ZC2HC1B: variants seen among roughly 807,000 people sequenced by gnomAD.
ZC2HC1B encodes zinc finger C2HC domain-containing protein 1B.
In ZC2HC1B, 36 loss-of-function variants were observed where a neutral mutation model predicts 31.0. That is an observed-to-expected ratio of 1.16 (90% CI 0.89 to 1.54). The LOEUF (loss-of-function observed/expected upper bound fraction) is 1.54. Among genes scored for constraint, ZC2HC1B ranks in the 40% most tolerant of loss-of-function variants. The pLI, the probability that ZC2HC1B is intolerant of heterozygous loss-of-function variation, is 0.00. For missense variants in ZC2HC1B, 260 were observed against 268.6 expected (o/e 0.97, Z 0.22); for synonymous variants, 73 against 88.0 (o/e 0.83, Z 0.95).
chr6:143,876,675 A>G (rs1193557112), intron 1 of ZC2HC1B, among the ~76,000 whole-genome samples: 4 of 150,514 alleles, frequency 2.7e-5, no homozygotes, highest in African/African-American at 9.8e-5. Flanking sequence ...AACTCACATG[A>G]TCACAAGGTC....
chr6:143,867,283 C>A (rs1777276302), intron 1 of ZC2HC1B, among the ~76,000 whole-genome samples: 1 of 152,196 alleles, frequency 6.6e-6, no homozygotes, highest in Non-Finnish European at 1.5e-5. Context: ...AACACAACAT[C>A]TTGTTTCATT....
At chr6:143,901,019 A>T (rs1267846791) in intron 5 of ZC2HC1B, among the ~76,000 whole-genome samples, 1 of 151,712 alleles carries the variant, frequency 6.6e-6, no homozygotes, top group African/African-American at 2.4e-5. Flanking sequence ...TTGTATGTTC[A>T]GAAGAGATGG....
intron 4 of ZC2HC1B, among the ~76,000 whole-genome samples, chr6:143,889,964 T>A (rs1777577622): frequency 6.6e-6 from 1 of 152,192 alleles, no homozygotes; most frequent in African/African-American, 2.4e-5. Context: ...ATATGTTCTC[T>A]GATCAGAATA....
At chr6:143,900,951 G>T (rs1777730510) in intron 5 of ZC2HC1B, among the ~76,000 whole-genome samples, 2 of 151,880 alleles carry the variant, frequency 1.3e-5, no homozygotes, top group African/African-American at 4.8e-5. Context: ...CGATTCTCCG[G>T]CCTCAGCCTC....
intron 4 of ZC2HC1B, among the ~76,000 whole-genome samples, chr6:143,889,033 A>G (rs943472063): frequency 6.6e-6 from 1 of 152,084 alleles, no homozygotes; most frequent in Non-Finnish European, 1.5e-5. Flanking sequence ...ATAATAGCAT[A>G]TAATGGGTAT....
chr6:143,898,529 T>C (rs748308377), intron 4 of ZC2HC1B, 23 bp from the exon 5 acceptor site: 2 of 1,550,268 alleles, frequency 1.3e-6, no homozygotes, highest in South Asian at 2.4e-5. Context: ...CTAATTGCCA[T>C]TTGTTGTTAT....
chr6:143,898,248 C>A (rs1289653886), intron 4 of ZC2HC1B, among the ~76,000 whole-genome samples: 5 of 152,032 alleles, frequency 3.3e-5, no homozygotes, highest in Admixed American at 3.3e-4. Context: ...GTGGCATGAT[C>A]ACAGCTGACT....
In ZC2HC1B at chr6:143,886,081, C is replaced by G. The variant is rs1212251141; in HGVS notation, c.140C>G (p.Pro47Arg). The change falls in exon 3 of 8, where the codon CCT becomes CGT. Residue 47 changes from proline to arginine, a missense_variant. Pro to Arg is a moderately radical substitution (Grantham distance 103). Transcript: ENST00000237275. This position sits in a 1 kb window ranked among gnomAD's most constrained non-coding sequence, Gnocchi z 4.2. ...AAACTCTTCAACAGAAAGCGTAAAC[C>G]TTTCAGTTCTTTGAAGCAAAGATTA... ...CKKLFNRKRK[P>R]FSSLKQRLQG... 6.5e-7 allele frequency: 1 copy of G among 1,548,824 alleles called. No individual in the cohort carries two copies. The highest frequency in any genetic ancestry group is 8.7e-7 in the Non-Finnish European group (1 of 1,146,120).
Position 143,901,250 on chromosome 6 carries a change from C to CTTTTT in ZC2HC1B, c.490-1771_490-1767dup, listed in dbSNP as rs760366226. Among the ~76,000 whole-genome samples, 18 of 90,494 alleles carry CTTTTT rather than the reference C, an allele frequency of 2.0e-4. 1 individual carries two copies. The highest frequency in any genetic ancestry group is 3.7e-4 in the African/African-American group (7 of 18,830). The allele number at this position is 90,494 out of a possible 152,430, so 59.4% of individuals were successfully genotyped here. On this transcript the variant is annotated intron_variant, in intron 5 of 7. Transcript: ENST00000237275. ...AATTTCTTTCTTTCTTTCTTTCTTCCTTTTTTTTTTTTTTTTTTTTTTTTT... is the reference window on the plus strand; with the variant it reads ...AATTTCTTTCTTTCTTTCTTTCTTCCTTTTTTTTTTTTTTTTTTTTTTTTTTTTTT...
intron 1 of ZC2HC1B, among the ~76,000 whole-genome samples, chr6:143,878,513 A>T (rs997111321): frequency 6.6e-6 from 1 of 150,474 alleles, no homozygotes; most frequent in Admixed American, 6.6e-5. Context: ...TGCCTAGAAC[A>T]TTGCTGAAGT....
Position 143,908,867 on chromosome 6 carries a change from G to A in ZC2HC1B, c.598+5715G>A, listed in dbSNP as rs530202455. Among the ~76,000 whole-genome samples, 724 of 152,258 alleles carry A rather than the reference G, an allele frequency of 4.8e-3. 5 individuals are homozygous for A. Among genetic ancestry groups the A allele is most frequent in the Middle Eastern group, 6.8e-3 (2 of 294 alleles). On this transcript the variant is annotated intron_variant, in intron 6 of 7. Transcript: ENST00000237275. The surrounding 1 kb of genome is among the most constrained non-coding windows in gnomAD (Gnocchi z 4.4). Reference sequence around the variant, plus strand: ...TTTGTCTTGTGCCAGTTTTCAAGGGGAAATCTTCCAGCTTTTGCCGAATCA... The same window carrying A: ...TTTGTCTTGTGCCAGTTTTCAAGGGAAAATCTTCCAGCTTTTGCCGAATCA...
chr6:143,936,645 C>T (rs1172755929), intron 6 of ZC2HC1B, among the ~76,000 whole-genome samples: 2 of 152,178 alleles, frequency 1.3e-5, no homozygotes, highest in South Asian at 2.1e-4. Context: ...CTGAGATCTT[C>T]GTACAGAGAC....
At position 143,884,509 on chromosome 6, in the gene ZC2HC1B, G is replaced by A; in HGVS notation, c.90+144G>A. Reference sequence around the variant, plus strand: ...AAAAGTACATAACCTATGGCTGGTGGGCCCAGAGAACACTGAGGCAGATTG... The same window carrying A: ...AAAAGTACATAACCTATGGCTGGTGAGCCCAGAGAACACTGAGGCAGATTG... On this transcript the variant is annotated intron_variant, in intron 2 of 7. Transcript: ENST00000237275. This position sits in a 1 kb window ranked among gnomAD's most constrained non-coding sequence, Gnocchi z 5.1. 1 of 664,936 alleles carries A rather than the reference G, an allele frequency of 1.5e-6. No homozygotes were observed. Among genetic ancestry groups the A allele is most frequent in the Non-Finnish European group, 2.3e-6 (1 of 429,368 alleles). The allele number at this position is 664,936 out of a possible 1,614,324, so 41.2% of individuals were successfully genotyped here.
At chr6:143,897,565 TG>T (rs1030422910) in intron 4 of ZC2HC1B, among the ~76,000 whole-genome samples, 2 of 151,942 alleles carry the variant, frequency 1.3e-5, no homozygotes, top group African/African-American at 4.8e-5. Context: ...ATTGCATCTC[TG>T]GAAGCTGAAG....
intron 6 of ZC2HC1B, among the ~76,000 whole-genome samples, chr6:143,931,737 C>G (rs534945538): frequency 6.6e-6 from 1 of 152,178 alleles, no homozygotes; most frequent in African/African-American, 2.4e-5. Context: ...TTACCTGATG[C>G]TTTTGCCTCA....
intron 1 of ZC2HC1B, among the ~76,000 whole-genome samples, chr6:143,882,817 C>A (rs924030946): frequency 6.6e-5 from 10 of 152,106 alleles, no homozygotes; most frequent in African/African-American, 1.7e-4. Context: ...AAGCTGAAGT[C>A]ATTTTTCTTC....
At chr6:143,900,950 G>A (rs779076221) in intron 5 of ZC2HC1B, among the ~76,000 whole-genome samples, 9 of 148,164 alleles carry the variant, frequency 6.1e-5, no homozygotes, top group Non-Finnish European at 1.2e-4. Context: ...GCGATTCTCC[G>A]GCCTCAGCCT....
At chr6:143,879,833 T>C (rs1274774936) in intron 1 of ZC2HC1B, among the ~76,000 whole-genome samples, 5 of 141,102 alleles carry the variant, frequency 3.5e-5, no homozygotes, top group African/African-American at 1.3e-4. Context: ...GATTTTTTTT[T>C]TTTTTTTTTT....
At chr6:143,925,536 C>CTTTT (rs36007959) in intron 6 of ZC2HC1B, among the ~76,000 whole-genome samples, 18 of 104,856 alleles carry the variant, frequency 1.7e-4, no homozygotes, top group East Asian at 5.6e-4. Flanking sequence ...CTTTTCTTTT[C>CTTTT]TTTTTTTTTT....
Sources: gnomAD v4.1 joint callset for allele counts (sites outside exome capture counted in the v4.1 genomes callset) on GRCh38, gnomAD v4.1.1 for gene constraint, Gnocchi (gnomAD v3.1) non-coding constraint, MANE v1.5 for transcripts, NCBI Gene and HGNC (gene_info 2026-07-23, HGNC 2026-07-21) for gene names.